CRPPA: variants seen among roughly 807,000 people sequenced by gnomAD.
CRPPA encodes CDP-L-ribitol pyrophosphorylase A.
Under a neutral mutation model 52.0 loss-of-function variants are expected in CRPPA, and 43 were observed. The ratio of observed to expected loss-of-function variants is 0.83; its 90% CI spans 0.65 to 1.07. The LOEUF is 1.07. Ranked by LOEUF, CRPPA falls within the 50% of genes least tolerant of loss-of-function variation. The probability of loss-of-function intolerance (pLI) is 0.00; values close to 1 mark genes in which losing one functional copy is unlikely to be tolerated. For synonymous variants in CRPPA, 250 were observed against 203.5 expected, an observed-to-expected ratio of 1.23 and a Z score of -1.94; for missense variants, 629 against 551.7, an observed-to-expected ratio of 1.14 and a Z score of -1.40.
At chr7:16,156,279 G>C (rs1176043356) in intron 9 of CRPPA, among the ~76,000 whole-genome samples, 1 of 152,120 alleles carries the variant, frequency 6.6e-6, no homozygotes, top group Non-Finnish European at 1.5e-5. Context: ...TTCTATCTTA[G>C]ACAAGACTTT....
intron 8 of CRPPA, among the ~76,000 whole-genome samples, chr7:16,216,933 C>A (rs1023205434): frequency 6.6e-6 from 1 of 151,920 alleles, no homozygotes; most frequent in Non-Finnish European, 1.5e-5. Flanking sequence ...CTGGGTGGAG[C>A]CCACCACAGC....
chr7:16,267,352 A>G (rs1783982070), intron 6 of CRPPA, among the ~76,000 whole-genome samples: 1 of 152,216 alleles, frequency 6.6e-6, no homozygotes, highest in South Asian at 2.1e-4. Flanking sequence ...CCTGTTATAA[A>G]TGCAGATTTT....
At chr7:16,287,413 G>A (rs1189893348) in intron 5 of CRPPA, among the ~76,000 whole-genome samples, 1 of 152,156 alleles carries the variant, frequency 6.6e-6, no homozygotes, top group African/African-American at 2.4e-5. Context: ...ACAGTACCAA[G>A]AAGATATTCA....
intron 6 of CRPPA, chr7:16,266,270 T>G (rs955988092): frequency 2.6e-5 from 4 of 152,192 alleles, no homozygotes; most frequent in African/African-American, 9.7e-5. Flanking sequence ...CCCACTGCAT[T>G]AAACGTGTGC....
chr7:16,153,568 G>A (rs1430619715), intron 9 of CRPPA, among the ~76,000 whole-genome samples: 1 of 152,010 alleles, frequency 6.6e-6, no homozygotes, highest in African/African-American at 2.4e-5. Flanking sequence ...CAAACTGCAG[G>A]TAAACACACA....
chr7:16,223,142 G>C (rs145791996), intron 8 of CRPPA, among the ~76,000 whole-genome samples: 9 of 151,780 alleles, frequency 5.9e-5, no homozygotes, highest in Non-Finnish European at 1.2e-4. Flanking sequence ...AAATAGAAAA[G>C]TTAGCCAGGC....
chr7:16,193,385 T>G (rs1015290234), intron 9 of CRPPA, among the ~76,000 whole-genome samples: 2 of 152,132 alleles, frequency 1.3e-5, no homozygotes, highest in Non-Finnish European at 2.9e-5. Flanking sequence ...GCAATTTCTC[T>G]AAAATTAGTT....
At chr7:16,155,552 G>T (rs1052431557) in intron 9 of CRPPA, among the ~76,000 whole-genome samples, 1 of 152,180 alleles carries the variant, frequency 6.6e-6, no homozygotes, top group Non-Finnish European at 1.5e-5. Flanking sequence ...TGAGGATAAA[G>T]ACCTTTATGA....
intron 9 of CRPPA, among the ~76,000 whole-genome samples, chr7:16,116,620 C>G (rs533431263): frequency 3.8e-4 from 49 of 127,378 alleles, no homozygotes; most frequent in African/African-American, 1.3e-3. Flanking sequence ...CAAGATTGCA[C>G]CACTGCACCC....
intron 2 of CRPPA, among the ~76,000 whole-genome samples, chr7:16,401,577 G>A (rs759882396): frequency 6.6e-6 from 1 of 152,186 alleles, no homozygotes; most frequent in East Asian, 1.9e-4. Flanking sequence ...AGGTTGCTTT[G>A]TTGATGCAGT....
chr7:16,216,871 C>T (rs1183168160), intron 8 of CRPPA, among the ~76,000 whole-genome samples: 1 of 152,124 alleles, frequency 6.6e-6, no homozygotes, highest in Non-Finnish European at 1.5e-5. Context: ...GGGAGGGGCG[C>T]CCGCCATTGC....
chr7:16,328,952 C>T (rs1267760993), intron 3 of CRPPA, among the ~76,000 whole-genome samples: 2 of 152,014 alleles, frequency 1.3e-5, no homozygotes, highest in Non-Finnish European at 2.9e-5. Context: ...AAACATGGAC[C>T]CTTTGAAAAT....
chr7:16,379,712 TG>T (rs1787021363), intron 2 of CRPPA, among the ~76,000 whole-genome samples: 1 of 152,176 alleles, frequency 6.6e-6, no homozygotes, highest in African/African-American at 2.4e-5. Context: ...TCACATCCCT[TG>T]TAAGTTGGAT....
chr7:16,389,913 CA>C (rs1163092089), intron 2 of CRPPA, among the ~76,000 whole-genome samples: 984 of 34,200 alleles, frequency 0.029, 18 homozygotes, highest in Middle Eastern at 0.062. Context: ...GCCTAGTATA[CA>C]AAAAAAAAAA....
chr7:16,417,589 T>C (rs1218471190), intron 1 of CRPPA, among the ~76,000 whole-genome samples: 1 of 152,022 alleles, frequency 6.6e-6, no homozygotes, highest in Non-Finnish European at 1.5e-5. Flanking sequence ...AAACAATGGG[T>C]ACTCATGGAC....
intron 9 of CRPPA, among the ~76,000 whole-genome samples, chr7:16,145,642 T>G (rs1255549171): frequency 6.8e-6 from 1 of 147,890 alleles, no homozygotes; most frequent in Non-Finnish European, 1.5e-5. Flanking sequence ...AAAACTATCA[T>G]AAAAAAAAAA....
intron 2 of CRPPA, among the ~76,000 whole-genome samples, chr7:16,389,921 AAAAAAAAATATAT>A (rs1562673699): frequency 2.5e-5 from 2 of 80,982 alleles, no homozygotes; most frequent in Admixed American, 1.4e-4. Flanking sequence ...TACAAAAAAA[AAAAAAAAATATAT>A]ATATATATAT....
At chr7:16,094,231 G>A (rs1337406838) in intron 9 of CRPPA, among the ~76,000 whole-genome samples, 1 of 152,078 alleles carries the variant, frequency 6.6e-6, no homozygotes, top group East Asian at 1.9e-4. Context: ...TCATTCTACT[G>A]AACATTTGTT....
At chr7:16,177,252 G>A (rs1399585085) in intron 9 of CRPPA, among the ~76,000 whole-genome samples, 7 of 151,978 alleles carry the variant, frequency 4.6e-5, no homozygotes, top group Non-Finnish European at 1.5e-5. Context: ...TACATTTGTT[G>A]AAACTAATGG....
Sources: allele counts gnomAD v4.1 joint callset (sites outside exome capture counted in the v4.1 genomes callset), GRCh38; gene constraint gnomAD v4.1.1; transcripts MANE v1.5; gene names NCBI Gene and HGNC (gene_info 2026-07-23, HGNC 2026-07-21).